The following NAALADL2 variants were observed in gnomAD, a reference collection of about 807,000 sequenced individuals.
NAALADL2 encodes the protein inactive N-acetylated-alpha-linked acidic dipeptidase-like protein 2.
In NAALADL2, 76 loss-of-function variants were observed where a neutral mutation model predicts 87.2. That is an observed-to-expected ratio of 0.87 (90% CI 0.72 to 1.05). The LOEUF (loss-of-function observed/expected upper bound fraction) is 1.05. Among genes scored for constraint, NAALADL2 ranks in the 50% least tolerant of loss-of-function variants. The pLI is 0.00. For missense variants in NAALADL2, 1,089 were observed against 945.8 expected, an observed-to-expected ratio of 1.15 and a Z score of -1.99; for synonymous variants, 354 against 331.0, an observed-to-expected ratio of 1.07 and a Z score of -0.75.
chr3:174,572,313 G>T (rs1715020680), intron 2 of NAALADL2, among the ~76,000 whole-genome samples: 1 of 151,838 alleles, frequency 6.6e-6, no homozygotes, highest in African/African-American at 2.4e-5. Flanking sequence ...TGCTATGGAG[G>T]TTGAAAAAAA....
chr3:175,135,230 A>G (rs1728926000), intron 2 of NAALADL2, among the ~76,000 whole-genome samples: 1 of 152,192 alleles, frequency 6.6e-6, no homozygotes, highest in Non-Finnish European at 1.5e-5. Context: ...GGTTAATGTG[A>G]AGAATTCTAA....
intron 10 of NAALADL2, among the ~76,000 whole-genome samples, chr3:175,611,785 T>C (rs1259324949): frequency 6.6e-6 from 1 of 152,128 alleles, no homozygotes; most frequent in Non-Finnish European, 1.5e-5. Context: ...TGAAGCATGG[T>C]ATATAGTCTT....
At chr3:174,704,773 C>T (rs532883822) in intron 2 of NAALADL2, among the ~76,000 whole-genome samples, 235 of 152,208 alleles carry the variant, frequency 1.5e-3, no homozygotes, top group Non-Finnish European at 2.9e-3. Flanking sequence ...CAGACCAATT[C>T]ATATCATAGA....
chr3:175,299,512 C>T (rs1015193903), intron 4 of NAALADL2, among the ~76,000 whole-genome samples: 1 of 151,942 alleles, frequency 6.6e-6, no homozygotes, highest in African/African-American at 2.4e-5. Flanking sequence ...TCCTTCACAT[C>T]CCTTGTAAGT....
intron 9 of NAALADL2, among the ~76,000 whole-genome samples, chr3:175,571,337 A>G (rs1718053757): frequency 6.6e-6 from 1 of 152,168 alleles, no homozygotes; most frequent in African/African-American, 2.4e-5. Flanking sequence ...ATGAACTGGA[A>G]TAAAAATGCT....
intron 9 of NAALADL2, among the ~76,000 whole-genome samples, chr3:175,560,920 C>T (rs1159805725): frequency 2.0e-5 from 3 of 152,164 alleles, no homozygotes; most frequent in Non-Finnish European, 2.9e-5. Flanking sequence ...GCGCCCAGCC[C>T]ATAACTGAAC....
At chr3:175,319,056 G>A (rs1036773552) in intron 4 of NAALADL2, among the ~76,000 whole-genome samples, 1 of 152,132 alleles carries the variant, frequency 6.6e-6, no homozygotes, top group African/African-American at 2.4e-5. Context: ...AGCTATTTCT[G>A]CATGTAAACA....
At chr3:175,444,192 C>T (rs1424623312) in intron 5 of NAALADL2, among the ~76,000 whole-genome samples, 2 of 152,154 alleles carry the variant, frequency 1.3e-5, no homozygotes, top group Non-Finnish European at 2.9e-5. Flanking sequence ...CATACAGCAT[C>T]TTAAGAAGTT....
chr3:175,429,121 T>A (rs1478482351), intron 5 of NAALADL2, among the ~76,000 whole-genome samples: 1 of 151,746 alleles, frequency 6.6e-6, no homozygotes, highest in East Asian at 1.9e-4. Flanking sequence ...TAAAAGTATA[T>A]ATTAAAATGT....
intron 1 of NAALADL2, among the ~76,000 whole-genome samples, chr3:175,029,061 A>ATATG (rs1288341554): frequency 3.4e-5 from 5 of 148,644 alleles, no homozygotes; most frequent in Non-Finnish European, 6.0e-5. Flanking sequence ...ATATATATAT[A>ATATG]TATAAAAAAC....
intron 5 of NAALADL2, among the ~76,000 whole-genome samples, chr3:175,431,755 G>A (rs558376965): frequency 2.6e-5 from 4 of 152,078 alleles, no homozygotes; most frequent in East Asian, 1.9e-4. Context: ...GTCTGATGAA[G>A]CCAAATACTA....
At chr3:174,611,337 A>T (rs532507182) in intron 2 of NAALADL2, among the ~76,000 whole-genome samples, 2 of 151,808 alleles carry the variant, frequency 1.3e-5, no homozygotes, top group Admixed American at 6.6e-5. Flanking sequence ...AAAAATAAAT[A>T]AAAAAAAGTA....
chr3:174,561,113 C>G (rs1378951719), intron 2 of NAALADL2, among the ~76,000 whole-genome samples: 3 of 151,760 alleles, frequency 2.0e-5, no homozygotes, highest in African/African-American at 7.3e-5. Context: ...AATTTATAAC[C>G]CAAGAGCAGG....
rs1654136922 is a variant in NAALADL2, at chr3:175,537,843, A to T, written c.1654-38198A>T. 4.6e-5 allele frequency among the ~76,000 whole-genome samples: 7 copies of T among 152,334 alleles called. No homozygotes were observed. The South Asian group carries it at 1.4e-3, about 32-fold the overall frequency. ...CTAGCATGTACAGAATTGGGAAGAA[A>T]ATGCTAGTGGTAAAGTTAAATATTC... On this transcript the variant is annotated intron_variant, in intron 9 of 13. Transcript: ENST00000454872.
Position 174,681,810 on chromosome 3 carries a change from G to C in NAALADL2, c.-114-55831G>C, listed in dbSNP as rs111952299. Reference sequence around the variant, plus strand: ...CCAGCTTAGATACCAGCTTGGCCACGGTGGGGTAGAAAACTAGTGGACTTG... The same window carrying C: ...CCAGCTTAGATACCAGCTTGGCCACCGTGGGGTAGAAAACTAGTGGACTTG... On this transcript the variant is annotated intron_variant, in intron 2 of 3. Coordinates refer to the NAALADL2 transcript ENST00000434257. 3.1e-3 allele frequency among the ~76,000 whole-genome samples: 466 copies of C among 152,240 alleles called. 7 individuals are homozygous for C. The highest frequency in any genetic ancestry group is 0.018 in the South Asian group (85 of 4,820).
chr3:174,653,085 C>G (rs1724541840), intron 2 of NAALADL2, among the ~76,000 whole-genome samples: 1 of 152,160 alleles, frequency 6.6e-6, no homozygotes, highest in Non-Finnish European at 1.5e-5. Context: ...AACTAGAACT[C>G]TCATAAATGG....
chr3:174,832,679 G>C (rs770794209), intron 3 of NAALADL2, among the ~76,000 whole-genome samples: 1 of 152,090 alleles, frequency 6.6e-6, no homozygotes, highest in Non-Finnish European at 1.5e-5. Flanking sequence ...TGTTAGCCAA[G>C]ATGGTCTCGA....
At chr3:174,797,731 T>A (rs557919130) in intron 3 of NAALADL2, among the ~76,000 whole-genome samples, 64 of 152,160 alleles carry the variant, frequency 4.2e-4, no homozygotes, top group African/African-American at 1.5e-3. Context: ...GCTTCCAGCC[T>A]CCAGAAATGA....
Position 175,191,050 on chromosome 3 carries a change from T to C in NAALADL2, c.546-42881T>C, listed in dbSNP as rs1738118045. ...AATGAACGAGTCTAGAAATTAAATG[T>C]GTAACACAAGAACTATGGTTAATAA... On this transcript the variant is annotated intron_variant, in intron 2 of 13. Transcript: ENST00000454872. Among the ~76,000 whole-genome samples, 3 of 151,730 alleles carry C rather than the reference T, an allele frequency of 2.0e-5. No individual in the cohort carries two copies. The South Asian group carries it at 6.2e-4, about 32-fold the overall frequency.
Sources: gnomAD v4.1 joint callset for allele counts (sites outside exome capture counted in the v4.1 genomes callset) on GRCh38, gnomAD v4.1.1 for gene constraint, MANE v1.5 for transcripts, NCBI Gene and HGNC (gene_info 2026-07-23, HGNC 2026-07-21) for gene names.